CTNNA3: variants seen among roughly 807,000 people sequenced by gnomAD.
CTNNA3 encodes catenin alpha-3.
CTNNA3 carries 76 observed loss-of-function variants against 95.7 expected under a neutral mutation model. The observed-to-expected ratio is 0.79, with a 90% CI of 0.66 to 0.96. The LOEUF (loss-of-function observed/expected upper bound fraction) is 0.96, where lower values mean the gene tolerates loss of function less well. CTNNA3 is among the 40% of genes least tolerant of loss of function. The pLI, the probability that CTNNA3 is intolerant of heterozygous loss-of-function variation, is 0.00. For missense variants in CTNNA3, 1,191 were observed against 1,089.8 expected, an observed-to-expected ratio of 1.09 and a Z score of -1.31; for synonymous variants, 431 against 374.4, an observed-to-expected ratio of 1.15 and a Z score of -1.74.
intron 7 of CTNNA3, among the ~76,000 whole-genome samples, chr10:66,869,316 G>A (rs1020861724): frequency 6.6e-6 from 1 of 152,114 alleles, no homozygotes; most frequent in African/African-American, 2.4e-5. Context: ...TCAGGGCTGG[G>A]TGTGGTGGTC....
chr10:66,444,633 T>C (rs2093403883), intron 11 of CTNNA3, among the ~76,000 whole-genome samples: 1 of 152,068 alleles, frequency 6.6e-6, no homozygotes, highest in Admixed American at 6.5e-5. Flanking sequence ...CTGAGAGATT[T>C]TGTCACCACC....
intron 1 of CTNNA3, among the ~76,000 whole-genome samples, chr10:67,695,479 G>A (rs1237311092): frequency 6.6e-6 from 1 of 152,146 alleles, no homozygotes; most frequent in Non-Finnish European, 1.5e-5. Context: ...AGTTCTGAGA[G>A]CATTCCTCAA....
chr10:67,497,062 C>T lies in CTNNA3; in HGVS notation c.579+24780G>A, dbSNP rs141174955. Among the ~76,000 whole-genome samples the T allele has an allele frequency of 5.0e-3, 768 of 152,232 alleles. 23 individuals are homozygous for T. The East Asian group carries it at 0.076, about 15-fold the overall frequency. On this transcript the variant is annotated intron_variant, in intron 5 of 17. Transcript: ENST00000433211. ...CCCGTCATCTACATTAGGTATTTCT[C>T]CTAATGCTATCCCTCCCCTAGGCCC...
At chr10:66,123,737 G>T (rs1467709216) in intron 13 of CTNNA3, among the ~76,000 whole-genome samples, 1 of 152,154 alleles carries the variant, frequency 6.6e-6, no homozygotes, top group African/African-American at 2.4e-5. Flanking sequence ...TCTGTGCACT[G>T]GCAGGCTCAA....
rs188515453 is a variant in CTNNA3 at position 65,914,167 on chromosome 10, C to T, written c.*6163G>A. Reference sequence around the variant, plus strand: ...TTGTACATGTTCTAAATTGAAGAAACATTTAGACATAATTGTTAGAAATCT... The same window carrying T: ...TTGTACATGTTCTAAATTGAAGAAATATTTAGACATAATTGTTAGAAATCT... On this transcript the variant is annotated 3_prime_UTR_variant, in exon 18 of 18. Transcript: ENST00000433211. 3.3e-4 allele frequency: 50 copies of T among 152,200 alleles called. No individual in the cohort carries two copies. The highest frequency in any genetic ancestry group is 1.1e-3 in the African/African-American group (46 of 41,544). 9.4% of individuals were successfully genotyped at this position (152,200 alleles called of 1,614,324 possible).
At position 65,927,612 on chromosome 10, in the gene CTNNA3, G is replaced by T. The variant is rs118118957; in HGVS notation, c.2401-6995C>A. ...CATTACATGTGTAAGCTTCACGTAT[G>T]TTGCTGCATGTACCAGTAGTTTATT... On this transcript the variant is annotated intron_variant, in intron 17 of 17. Transcript: ENST00000433211. Among the ~76,000 whole-genome samples the T allele has an allele frequency of 4.6e-5, 7 of 152,270 alleles. No individual in the cohort carries two copies. The East Asian group carries it at 1.4e-3, about 29-fold the overall frequency.
rs2076996739 is a variant in CTNNA3 at position 65,915,565 on chromosome 10, CCA to C, written c.*4763_*4764del. ...AATCCATGTGTTTTGTTCCCACAAA[CCA>C]GTGGGGACTGCTAGATGCCATAATG... is the stretch of plus-strand genomic sequence containing the variant. On this transcript the variant is annotated 3_prime_UTR_variant, in exon 18 of 18. Coordinates refer to ENST00000433211, the MANE Select transcript of CTNNA3 (RefSeq NM_013266.4). The C allele has an allele frequency of 6.6e-6, 1 of 152,130 alleles. No homozygotes were observed. The allele number at this position is 152,130 out of a possible 1,614,324, so 9.4% of individuals were successfully genotyped here. A position where few individuals can be genotyped will look rare whatever the true frequency, so the allele number is the denominator to read the frequency against.
chr10:66,295,871 C>T (rs1020202924), intron 12 of CTNNA3, among the ~76,000 whole-genome samples: 2 of 152,164 alleles, frequency 1.3e-5, no homozygotes, highest in East Asian at 3.9e-4. Flanking sequence ...TAATATGGAA[C>T]ATGGTGTATT....
Position 67,756,219 on chromosome 10 carries a change from T to C in CTNNA3, c.-2+7215A>G, listed in dbSNP as rs183239656. ...ATTAACGGGTACATATTTACACCTA[T>C]TCAATAGTTTAATAGAAGAACTAAG... is the stretch of plus-strand genomic sequence containing the variant. On this transcript the variant is annotated intron_variant, in intron 1 of 17. Coordinates refer to the CTNNA3 transcript ENST00000684154. Among the ~76,000 whole-genome samples, 656 of 152,300 alleles carry C rather than the reference T, an allele frequency of 4.3e-3. 3 individuals are homozygous for C. The highest frequency in any genetic ancestry group is 6.4e-3 in the Non-Finnish European group (432 of 68,014).
intron 10 of CTNNA3, among the ~76,000 whole-genome samples, chr10:66,584,522 T>C (rs1002424784): frequency 1.3e-5 from 2 of 152,010 alleles, no homozygotes; most frequent in African/African-American, 4.8e-5. Context: ...TTGGTTTCCA[T>C]TTGCAAGAAA....
At chr10:66,605,540 T>C (rs930512302) in intron 10 of CTNNA3, among the ~76,000 whole-genome samples, 1 of 151,858 alleles carries the variant, frequency 6.6e-6, no homozygotes, top group Non-Finnish European at 1.5e-5. Context: ...AAAGAAAAAA[T>C]GTTAAAGCTG....
In CTNNA3 at chr10:67,572,713, C is replaced by G. The variant is rs78522675; in HGVS notation, c.293-33044G>C. 7.3e-3 allele frequency among the ~76,000 whole-genome samples: 1,109 copies of G among 152,226 alleles called. 14 individuals are homozygous for G. Among genetic ancestry groups the G allele is most frequent in the African/African-American group, 0.025 (1,052 of 41,536 alleles). ...GTTCTGATGCTTGTTTCTGAGTTACCTAAGTGCTAAACAACTATCAATAAT... is the reference window on the plus strand; with the variant it reads ...GTTCTGATGCTTGTTTCTGAGTTACGTAAGTGCTAAACAACTATCAATAAT... On this transcript the variant is annotated intron_variant, in intron 3 of 17. Transcript: ENST00000433211.
intron 5 of CTNNA3, among the ~76,000 whole-genome samples, chr10:67,285,004 G>T (rs1839541803): frequency 6.6e-6 from 1 of 152,120 alleles, no homozygotes; most frequent in African/African-American, 2.4e-5. Context: ...CTGACTAGCT[G>T]CCTCACCCAT....
Position 66,314,343 on chromosome 10 carries a change from A to T in CTNNA3, c.1733-33722T>A, listed in dbSNP as rs1266352789. ...ATGTATCTTTTTTTAAAAAGGCTAGAAATTAGATTTGTATATAAAATCTTT... is the reference window on the plus strand; with the variant it reads ...ATGTATCTTTTTTTAAAAAGGCTAGTAATTAGATTTGTATATAAAATCTTT... On this transcript the variant is annotated intron_variant, in intron 12 of 17. Transcript: ENST00000433211. Among the ~76,000 whole-genome samples, 4 of 152,334 alleles carry T rather than the reference A, an allele frequency of 2.6e-5. No individual in the cohort carries two copies. The South Asian group carries it at 6.2e-4, about 24-fold the overall frequency.
chr10:67,521,733 TA>T, intron 5 of CTNNA3, 108 bp downstream of exon 5: 1 of 1,374,788 alleles, frequency 7.3e-7, no homozygotes, highest in Non-Finnish European at 9.9e-7. Flanking sequence ...GTATCTGCTC[TA>T]ACCATTAGAA....
At chr10:66,081,985 G>A (rs2080783393) in intron 14 of CTNNA3, among the ~76,000 whole-genome samples, 2 of 152,048 alleles carry the variant, frequency 1.3e-5, no homozygotes, top group South Asian at 2.1e-4. Flanking sequence ...GGGCATGGTG[G>A]TGGGTGCCTG....
intron 5 of CTNNA3, among the ~76,000 whole-genome samples, chr10:67,256,048 A>C (rs531095589): frequency 3.8e-4 from 57 of 151,778 alleles, no homozygotes; most frequent in African/African-American, 1.1e-3. Context: ...GCAAAAAAAA[A>C]AGGATTTCTC....
intron 1 of CTNNA3, among the ~76,000 whole-genome samples, chr10:67,702,102 G>A (rs1469877226): frequency 4.6e-5 from 7 of 151,938 alleles, no homozygotes; most frequent in East Asian, 3.9e-4. Flanking sequence ...TGCACCCAAT[G>A]CAGGAGCACC....
chr10:66,662,184 T>C (rs1264602104), intron 9 of CTNNA3, among the ~76,000 whole-genome samples: 1 of 152,162 alleles, frequency 6.6e-6, no homozygotes, highest in Non-Finnish European at 1.5e-5. Flanking sequence ...ATGGGGAAAA[T>C]ACATTCTACT....
Sources: gnomAD v4.1 joint callset for allele counts (sites outside exome capture counted in the v4.1 genomes callset) on GRCh38, gnomAD v4.1.1 for gene constraint, MANE v1.5 for transcripts, NCBI Gene and HGNC (gene_info 2026-07-23, HGNC 2026-07-21) for gene names.